Variants in WNK2 observed in about 807,000 individuals in gnomAD.
WNK2 encodes serine/threonine-protein kinase WNK2.
In WNK2, 67 loss-of-function variants were observed where a neutral mutation model predicts 192.1. That is an observed-to-expected ratio of 0.35 (90% CI 0.29 to 0.43). WNK2 has a LOEUF of 0.43. Ranked by LOEUF, WNK2 falls within the 20% of genes least tolerant of loss-of-function variation. The pLI is 1.00. For missense variants in WNK2, 2,698 were observed against 3,089.7 expected, an observed-to-expected ratio of 0.87 and a Z score of 3.01; for synonymous variants, 1,439 against 1,393.9, an observed-to-expected ratio of 1.03 and a Z score of -0.72.
In WNK2 at chr9:93,247,849, G is replaced by A. The variant is rs891010257; in HGVS notation, c.1834+15G>A. 1.3e-6 allele frequency: 2 copies of A among 1,533,462 alleles called. No homozygotes were observed. The highest frequency in any genetic ancestry group is 2.7e-5 in the African/African-American group (2 of 72,890). The allele number at this position is 1,533,462 out of a possible 1,614,324, so 95.0% of individuals were successfully genotyped here. On this transcript the variant is annotated intron_variant, in intron 8 of 29. Coordinates refer to ENST00000427277, the MANE Select transcript of WNK2 (RefSeq NM_006648.4). This position sits in a 1 kb window ranked among gnomAD's most constrained non-coding sequence, Gnocchi z 5.2. ...CTCCCTGGCCTGTGAGTGCTCAGGG[G>A]TGGGATGGCCATGGGCACCCCTCCC...
intron 12 of WNK2, among the ~76,000 whole-genome samples, chr9:93,261,464 C>T (rs1564114659): frequency 6.6e-6 from 1 of 152,208 alleles, no homozygotes; most frequent in Non-Finnish European, 1.5e-5. Context: ...CCAGATGGGG[C>T]AGGCTGCCGC....
intron 13 of WNK2, 126 bp from the exon 14 acceptor site, chr9:93,262,544 A>G (rs775229560): frequency 1.0e-6 from 1 of 999,486 alleles, no homozygotes; most frequent in Non-Finnish European, 1.5e-6. Flanking sequence ...AGAAGAGAGC[A>G]GGAGAACGCA....
intron 19 of WNK2, among the ~76,000 whole-genome samples, chr9:93,280,756 T>A (rs1236709480): frequency 6.6e-6 from 1 of 152,244 alleles, no homozygotes; most frequent in Non-Finnish European, 1.5e-5. Flanking sequence ...CCTTGTCTAC[T>A]GGCATATGTT....
intron 2 of WNK2, among the ~76,000 whole-genome samples, chr9:93,191,643 G>T (rs1355366821): frequency 6.6e-6 from 1 of 152,050 alleles, no homozygotes; most frequent in East Asian, 1.9e-4. Flanking sequence ...GCTGGTACTG[G>T]GTGGGATAGA....
In WNK2 at chr9:93,220,277, G is replaced by A. The variant is rs545879816; in HGVS notation, c.682-9419G>A. Among the ~76,000 whole-genome samples the A allele has an allele frequency of 7.2e-5, 11 of 152,294 alleles. No homozygotes were observed. The East Asian group carries it at 2.1e-3, about 29-fold the overall frequency. The stretch of plus-strand genomic sequence containing the variant: ...AGCTGAGCTCAGAGGCAGGGTTAGT[G>A]TCTGAGCCTAGGTTCCACCCCGTCT... On this transcript the variant is annotated intron_variant, in intron 2 of 29. Coordinates refer to ENST00000427277, the MANE Select transcript of WNK2 (RefSeq NM_006648.4).
In WNK2 at chr9:93,262,047, C is replaced by A; in HGVS notation, c.3300C>A (p.Gly1100=). 1 of 1,610,006 alleles carries A rather than the reference C, an allele frequency of 6.2e-7. No individual in the cohort carries two copies. The highest frequency in any genetic ancestry group is 8.5e-7 in the Non-Finnish European group (1 of 1,178,054). Residue 1100 remains glycine (G), a synonymous_variant, in exon 13 of 30, where the codon GGC becomes GGA. Transcript: ENST00000427277. ...LLPPANPPLP[G]GPGIASPCPT... ...CACCAGCAAACCCACCGCTGCCTGG[C>A]GGGCCCGGGATCGCCAGCCCTTGCC...
Position 93,298,059 on chromosome 9 carries a change from C to T in WNK2, c.5915C>T (p.Ser1972Phe). 3 of 1,549,992 alleles carry T rather than the reference C, an allele frequency of 1.9e-6. No individual in the cohort carries two copies. Among genetic ancestry groups the T allele is most frequent in the Non-Finnish European group, 2.6e-6 (3 of 1,147,180 alleles). The change falls in exon 24 of 30, where the codon TCC becomes TTC. Residue 1972 changes from serine (S) to phenylalanine (F), a missense_variant. Physicochemically the swap from Ser to Phe is radical, Grantham distance 155. Coordinates refer to ENST00000427277, the MANE Select transcript of WNK2 (RefSeq NM_006648.4). Reference protein sequence around the residue: ...PLVRQLKVVASSTGHLADSSR... With the variant: ...PLVRQLKVVAFSTGHLADSSR... ...GTGCGGCAGCTCAAGGTCGTGGCCT[C>T]CAGCACAGGTCGGCCTCCGGGTGCA... is the stretch of plus-strand genomic sequence containing the variant.
chr9:93,252,317 T>TG (rs1842709201), intron 8 of WNK2, among the ~76,000 whole-genome samples: 1 of 152,216 alleles, frequency 6.6e-6, no homozygotes, highest in Non-Finnish European at 1.5e-5. Context: ...CATGGGCGCT[T>TG]GGTGTCACCC....
chr9:93,211,214 T>C (rs1325026416), intron 2 of WNK2, among the ~76,000 whole-genome samples: 24 of 14,822 alleles, frequency 1.6e-3, no homozygotes, highest in African/African-American at 2.3e-3. Context: ...ACTCATTCAA[T>C]CACTCATCCA....
chr9:93,250,988 G>A (rs1191140727), intron 8 of WNK2, among the ~76,000 whole-genome samples: 2 of 10,490 alleles, frequency 1.9e-4, no homozygotes, highest in African/African-American at 3.5e-3. Flanking sequence ...GTTTTGCCCT[G>A]CTGGCCAGGG....
chr9:93,262,222 G>C, intron 13 of WNK2, 115 bp downstream of exon 13: 7 of 1,287,712 alleles, frequency 5.4e-6, no homozygotes, highest in Non-Finnish European at 7.3e-6. Context: ...CTCTGGGACA[G>C]CCACCCAGGT....
At position 93,238,299 on chromosome 9, in the gene WNK2, A is replaced by G; in HGVS notation, c.1300A>G (p.Ile434Val). Residue 434 changes from isoleucine (I) to valine (V), a missense_variant, in exon 6 of 30, where the codon ATC becomes GTC. Physicochemically the swap from Ile to Val is conservative, Grantham distance 29. This residue lies in a region of WNK2 where 230 missense variants were observed against 501.1 expected (regional missense o/e 0.46). Coordinates refer to ENST00000427277, the MANE Select transcript of WNK2 (RefSeq NM_006648.4). ...AATCAAGGAGATTATTGGGGAGTGT[A>G]TCTGCAAAAACAAGGAGGAAAGGTG... ...PEIKEIIGECICKNKEERYEI... is the reference protein window; with the variant it reads ...PEIKEIIGECVCKNKEERYEI... 1 of 1,614,020 alleles carries G rather than the reference A, an allele frequency of 6.2e-7. No individual in the cohort carries two copies. The highest frequency in any genetic ancestry group is 8.5e-7 in the Non-Finnish European group (1 of 1,179,896).
At chr9:93,303,382 C>G (rs1851942824) in intron 26 of WNK2, among the ~76,000 whole-genome samples, 1 of 152,200 alleles carries the variant, frequency 6.6e-6, no homozygotes, top group Non-Finnish European at 1.5e-5. Context: ...CCCTGTGGGC[C>G]TTTCTCTCTG....
At chr9:93,227,489 C>T (rs568750891) in intron 2 of WNK2, among the ~76,000 whole-genome samples, 1 of 151,878 alleles carries the variant, frequency 6.6e-6, no homozygotes. Flanking sequence ...ATTTTCCCAG[C>T]GACTGATGAT....
At chr9:93,265,645 CAT>C (rs1335104357) in intron 16 of WNK2, among the ~76,000 whole-genome samples, 4 of 152,228 alleles carry the variant, frequency 2.6e-5, no homozygotes, top group African/African-American at 4.8e-5. Context: ...ACTTTATACA[CAT>C]GTGTTTCAAA....
chr9:93,194,026 A>G (rs1830802290), intron 2 of WNK2, among the ~76,000 whole-genome samples: 1 of 152,200 alleles, frequency 6.6e-6, no homozygotes, highest in Non-Finnish European at 1.5e-5. Flanking sequence ...CTTTTCAACA[A>G]ATGGCGCTGG....
intron 19 of WNK2, among the ~76,000 whole-genome samples, chr9:93,281,534 G>A (rs1393841862): frequency 6.6e-6 from 1 of 152,134 alleles, no homozygotes; most frequent in Non-Finnish European, 1.5e-5. Context: ...GAAAAGAGGT[G>A]CTAAGAAATA....
chr9:93,233,701 CA>C lies in WNK2; in HGVS notation c.1076-1087del, dbSNP rs34665591. Among the ~76,000 whole-genome samples, 881 of 100,266 alleles carry C rather than the reference CA, an allele frequency of 8.8e-3. 2 individuals carry two copies. The highest frequency in any genetic ancestry group is 0.047 in the South Asian group (125 of 2,676). The allele number at this position is 100,266 out of a possible 152,430, so 65.8% of individuals were successfully genotyped here. On this transcript the variant is annotated intron_variant, in intron 4 of 29. Coordinates refer to ENST00000427277, the MANE Select transcript of WNK2 (RefSeq NM_006648.4). ...TGGGGGACAGAGTGAGATTCCGTCTCAAAAAAAAAAAAAAAAAAAAGTAACA... is the reference window on the plus strand; with the variant it reads ...TGGGGGACAGAGTGAGATTCCGTCTCAAAAAAAAAAAAAAAAAAAGTAACA...
In WNK2 at chr9:93,213,105, G is replaced by C. The variant is rs1427465801; in HGVS notation, c.682-16591G>C. On this transcript the variant is annotated intron_variant, in intron 2 of 29. Coordinates refer to ENST00000427277, the MANE Select transcript of WNK2 (RefSeq NM_006648.4). ...AGCCCTGAGCTCTGTGTTGTACTTGGGATCCTCTTCTGATCTTGGGAAGGG... is the reference window on the plus strand; with the variant it reads ...AGCCCTGAGCTCTGTGTTGTACTTGCGATCCTCTTCTGATCTTGGGAAGGG... 1.1e-3 allele frequency among the ~76,000 whole-genome samples: 175 copies of C among 152,240 alleles called. 1 individual carries two copies. The highest frequency in any genetic ancestry group is 8.8e-5 in the Non-Finnish European group (6 of 68,018).
Sources: gnomAD v4.1 joint callset for allele counts (sites outside exome capture counted in the v4.1 genomes callset) on GRCh38, gnomAD v4.1.1 for gene constraint, gnomAD v4.1.1 regional missense constraint, Gnocchi (gnomAD v3.1) non-coding constraint, MANE v1.5 for transcripts, NCBI Gene and HGNC (gene_info 2026-07-23, HGNC 2026-07-21) for gene names.